SMURF1: variants seen among roughly 807,000 people sequenced by gnomAD.
SMURF1 encodes the protein SMAD specific E3 ubiquitin protein ligase 1, also known as E3 ubiquitin-protein ligase SMURF1.
A neutral mutation model predicts 98.0 loss-of-function variants in SMURF1; 44 were observed. The observed-to-expected ratio is 0.45, with a 90% CI of 0.35 to 0.58. The LOEUF (loss-of-function observed/expected upper bound fraction) is 0.58, where lower values mean the gene tolerates loss of function less well. Among genes scored for constraint, SMURF1 ranks in the 20% least tolerant of loss-of-function variants. SMURF1 has a pLI of 0.00. For missense variants in SMURF1, 687 were observed against 938.4 expected (o/e 0.73, Z 3.50); for synonymous variants, 396 against 374.9 (o/e 1.06, Z -0.65).
intron 1 of SMURF1, among the ~76,000 whole-genome samples, chr7:99,083,379 C>G (rs1300084175): frequency 2.0e-5 from 3 of 152,148 alleles, no homozygotes; most frequent in African/African-American, 4.8e-5. Flanking sequence ...TAATGATTTA[C>G]TTGGAAACAT....
At chr7:99,078,243 G>A (rs1457390001) in intron 1 of SMURF1, among the ~76,000 whole-genome samples, 9 of 149,068 alleles carry the variant, frequency 6.0e-5, no homozygotes, top group South Asian at 2.1e-4. Context: ...CAGAGGTTGC[G>A]TTGAGCTGAG....
chr7:99,087,103 C>T (rs1203709014), intron 1 of SMURF1, among the ~76,000 whole-genome samples: 3 of 152,096 alleles, frequency 2.0e-5, no homozygotes, highest in Non-Finnish European at 4.4e-5. Flanking sequence ...GGTGCAGTGG[C>T]TCATGCCTAT....
intron 1 of SMURF1, among the ~76,000 whole-genome samples, chr7:99,098,180 TCTC>T (rs1796996796): frequency 6.6e-6 from 1 of 152,198 alleles, no homozygotes; most frequent in Non-Finnish European, 1.5e-5. Context: ...TCTACACCCT[TCTC>T]CTTATTTCAG....
intron 1 of SMURF1, among the ~76,000 whole-genome samples, chr7:99,084,618 C>T (rs1317455208): frequency 6.6e-6 from 1 of 152,170 alleles, no homozygotes; most frequent in Non-Finnish European, 1.5e-5. Context: ...CTCTTGGCCT[C>T]ATGATCCACC....
At chr7:99,040,903 G>A (rs1219259628) in intron 12 of SMURF1, among the ~76,000 whole-genome samples, 1 of 152,112 alleles carries the variant, frequency 6.6e-6, no homozygotes, top group Non-Finnish European at 1.5e-5. Flanking sequence ...CAGGGCCTCG[G>A]CACCATGCTG....
At chr7:99,036,837 G>A (rs1051559051) in intron 15 of SMURF1, among the ~76,000 whole-genome samples, 3 of 152,120 alleles carry the variant, frequency 2.0e-5, no homozygotes, top group East Asian at 1.9e-4. Flanking sequence ...ACAGTTTCCC[G>A]GGAGTTAGTC....
intron 3 of SMURF1, among the ~76,000 whole-genome samples, chr7:99,059,361 G>GCA (rs1795964139): frequency 1.4e-5 from 2 of 143,594 alleles, no homozygotes; most frequent in South Asian, 2.2e-4. Context: ...TCCCGCCACT[G>GCA]CACTCCAGCC....
chr7:99,042,126 T>C lies in SMURF1; in HGVS notation c.1363A>G (p.Ile455Val). 3 of 1,612,104 alleles carry C rather than the reference T, an allele frequency of 1.9e-6. No individual in the cohort carries two copies. The highest frequency in any genetic ancestry group is 1.1e-5 in the South Asian group (1 of 90,824). Residue 455 changes from isoleucine to valine, a missense_variant, in exon 12 of 18, where the codon ATC becomes GTC. By Grantham distance (29) the Ile-to-Val change is conservative. Coordinates refer to ENST00000361368, the MANE Select transcript of SMURF1 (RefSeq NM_181349.3). ...YMLQINPDSS[I>V]NPDHLSYFHF... ...TGTTCATTCATACTTACGGGGTTGA[T>C]TGAAGAATCCGGATTTATTTGCAAC...
At chr7:99,098,381 G>A (rs767256775) in intron 1 of SMURF1, among the ~76,000 whole-genome samples, 2 of 151,988 alleles carry the variant, frequency 1.3e-5, no homozygotes, top group Admixed American at 6.6e-5. Flanking sequence ...TTAACTGGCT[G>A]GGAGGGAAAA....
At chr7:99,083,612 A>G (rs1177067903) in intron 1 of SMURF1, among the ~76,000 whole-genome samples, 1 of 152,232 alleles carries the variant, frequency 6.6e-6, no homozygotes, top group Non-Finnish European at 1.5e-5. Context: ...GTCTCTAAGT[A>G]AAATCCCTGT....
At chr7:99,090,190 C>G (rs143014169) in intron 1 of SMURF1, among the ~76,000 whole-genome samples, 1 of 152,292 alleles carries the variant, frequency 6.6e-6, no homozygotes, top group Non-Finnish European at 1.5e-5. Context: ...TAGCGTTTGT[C>G]CTCTGTGGCC....
intron 1 of SMURF1, among the ~76,000 whole-genome samples, chr7:99,123,896 C>CAATGTT (rs1278986770): frequency 4.6e-5 from 7 of 152,228 alleles, no homozygotes; most frequent in Non-Finnish European, 8.8e-5. Context: ...GGCAAGTCAG[C>CAATGTT]CCCTAACATG....
intron 1 of SMURF1, among the ~76,000 whole-genome samples, chr7:99,075,797 T>C (rs558411066): frequency 9.2e-5 from 14 of 152,258 alleles, no homozygotes; most frequent in Non-Finnish European, 1.9e-4. Flanking sequence ...CTGGATTTCC[T>C]ATTTTCCAGT....
intron 11 of SMURF1, among the ~76,000 whole-genome samples, chr7:99,042,754 A>G (rs879325084): frequency 6.6e-6 from 1 of 152,224 alleles, no homozygotes; most frequent in Non-Finnish European, 1.5e-5. Flanking sequence ...CAGATCTACG[A>G]AGAGTCTTCT....
intron 10 of SMURF1, 85 bp from the exon 11 acceptor site, chr7:99,045,886 A>ACC: frequency 3.0e-6 from 3 of 995,956 alleles, no homozygotes; most frequent in Non-Finnish European, 3.2e-6. Flanking sequence ...AGCCCGGTTA[A>ACC]GAACACGCAT....
chr7:99,110,021 A>C (rs1299525740), intron 1 of SMURF1, among the ~76,000 whole-genome samples: 4 of 152,218 alleles, frequency 2.6e-5, no homozygotes, highest in Non-Finnish European at 4.4e-5. Context: ...AATAAGAAAA[A>C]GAGCTAGAAA....
Position 99,031,071 on chromosome 7 carries a change from T to TC in SMURF1, c.2097-389dup, listed in dbSNP as rs1232663440. The TC allele has an allele frequency of 3.6e-5, 6 of 167,376 alleles. No homozygotes were observed. The South Asian group carries it at 9.2e-4, about 26-fold the overall frequency. 10.4% of individuals were successfully genotyped at this position (167,376 alleles called of 1,614,324 possible). On this transcript the variant is annotated intron_variant, in intron 17 of 17. Coordinates refer to ENST00000361368, the MANE Select transcript of SMURF1 (RefSeq NM_181349.3). Reference sequence around the variant, plus strand: ...TACTGCTTCTATCAGGACAAAGCTCTCCACTTGTTTTCTGTTTGTCTGTCT... The same window carrying TC: ...TACTGCTTCTATCAGGACAAAGCTCTCCCACTTGTTTTCTGTTTGTCTGTCT...
intron 8 of SMURF1, chr7:99,050,894 T>G (rs1444312482): frequency 5.0e-5 from 66 of 1,314,784 alleles, no homozygotes; most frequent in Middle Eastern, 1.9e-4. Context: ...TGTTATGGGG[T>G]GGGGGGGGGG....
intron 1 of SMURF1, among the ~76,000 whole-genome samples, chr7:99,065,013 T>G (rs540869199): frequency 1.3e-5 from 2 of 152,308 alleles, no homozygotes; most frequent in East Asian, 3.9e-4. Context: ...ATGAGGAAAA[T>G]TTTTACCTAT....
Sources: gnomAD v4.1 joint callset for allele counts (sites outside exome capture counted in the v4.1 genomes callset) on GRCh38, gnomAD v4.1.1 for gene constraint, MANE v1.5 for transcripts, NCBI Gene and HGNC (gene_info 2026-07-23, HGNC 2026-07-21) for gene names.